The following IFT56 variants were observed in gnomAD, a reference collection of about 807,000 sequenced individuals.
IFT56 encodes the protein intraflagellar transport 56.
chr7:139,139,673 A>C, the IFT56 span, among the ~76,000 whole-genome samples: 1 of 152,246 alleles, frequency 6.6e-6, no homozygotes, highest in African/African-American at 2.4e-5. Context: ...GACAAAAACC[A>C]CAAGTATAAG....
At chr7:139,178,259 T>C in the IFT56 span, 2 of 1,614,110 alleles carry the variant, frequency 1.2e-6, no homozygotes, top group East Asian at 4.5e-5. Context: ...TTCTTCCTGC[T>C]TAAGCAATTT....
chr7:139,165,103 CCATAATAG>C, the IFT56 span: 1 of 1,556,626 alleles, frequency 6.4e-7, no homozygotes, highest in African/African-American at 1.4e-5. Context: ...ATCATTGTTG[CCATAATAG>C]CATGATTTCT....
the IFT56 span, chr7:139,139,868 C>A: frequency 3.3e-6 from 5 of 1,521,596 alleles, no homozygotes; most frequent in Non-Finnish European, 4.5e-6. Flanking sequence ...AAAATGAGAT[C>A]ACTGCTTACT....
At chr7:139,160,893 G>T in the IFT56 span, 1 of 1,286,124 alleles carries the variant, frequency 7.8e-7, no homozygotes, top group Non-Finnish European at 1.1e-6. Context: ...GTCAATATGT[G>T]GTATAAGAAC....
At chr7:139,134,527 C>A in the IFT56 span, 1 of 1,060,780 alleles carries the variant, frequency 9.4e-7, no homozygotes, top group Non-Finnish European at 1.3e-6. Context: ...CTTCGCCTCT[C>A]AAAGTGCTGG....
At chr7:139,178,508 T>G in the IFT56 span, 2 of 1,613,212 alleles carry the variant, frequency 1.2e-6, no homozygotes, top group Non-Finnish European at 1.7e-6. Context: ...CTTGGGATGT[T>G]TTTCAGAGTT....
the IFT56 span, among the ~76,000 whole-genome samples, chr7:139,171,712 C>CT: frequency 6.6e-6 from 1 of 152,314 alleles, no homozygotes; most frequent in Admixed American, 6.5e-5. Context: ...AGACTGAAAT[C>CT]TAAGACCTTA....
chr7:139,146,903 A>C, the IFT56 span: 5 of 1,041,936 alleles, frequency 4.8e-6, no homozygotes, highest in African/African-American at 1.6e-5. Flanking sequence ...AGGGTCAAAT[A>C]GTATTAACTG....
At chr7:139,168,561 T>A in the IFT56 span, 2 of 595,222 alleles carry the variant, frequency 3.4e-6, no homozygotes, top group East Asian at 5.6e-5. Context: ...TGTTATGTTA[T>A]TTAGAGACAA....
chr7:139,188,080 T>A, the IFT56 span, among the ~76,000 whole-genome samples: 4 of 151,470 alleles, frequency 2.6e-5, no homozygotes, highest in South Asian at 4.2e-4. Context: ...TGGTTTATAC[T>A]TTTTCTTTTT....
chr7:139,134,263 T>A, the IFT56 span, among the ~76,000 whole-genome samples: 1 of 146,800 alleles, frequency 6.8e-6, no homozygotes, highest in East Asian at 2.0e-4. Context: ...TGTTAAGGAT[T>A]TGACTTATAA....
chr7:139,167,026 T>C, the IFT56 span: 7 of 540,468 alleles, frequency 1.3e-5, no homozygotes, highest in South Asian at 2.1e-4. Context: ...AAAGACCATA[T>C]GTATTCATTC....
the IFT56 span, among the ~76,000 whole-genome samples, chr7:139,167,211 T>C: frequency 1.3e-5 from 2 of 152,330 alleles, no homozygotes; most frequent in African/African-American, 4.8e-5. Context: ...ACTAGATACA[T>C]GCAATTATCT....
the IFT56 span, among the ~76,000 whole-genome samples, chr7:139,175,990 G>T: frequency 6.6e-6 from 1 of 151,376 alleles, no homozygotes; most frequent in Admixed American, 6.6e-5. Context: ...CACCACGCCC[G>T]GTATTTTTAG....
At chr7:139,136,764 A>G in the IFT56 span, among the ~76,000 whole-genome samples, 1 of 152,106 alleles carries the variant, frequency 6.6e-6, no homozygotes, top group Non-Finnish European at 1.5e-5. Flanking sequence ...ACTGCCTTTA[A>G]GTTGGCAGGG....
chr7:139,150,173 G>T, the IFT56 span, among the ~76,000 whole-genome samples: 1 of 152,008 alleles, frequency 6.6e-6, no homozygotes, highest in Admixed American at 6.6e-5. Flanking sequence ...GCATTCTTGG[G>T]GTAATAGTCA....
At chr7:139,137,854 G>C in the IFT56 span, 1 of 1,612,624 alleles carries the variant, frequency 6.2e-7, no homozygotes, top group Non-Finnish European at 8.5e-7. Flanking sequence ...AAGTTCAAAC[G>C]TCATGTTGGG....
the IFT56 span, among the ~76,000 whole-genome samples, chr7:139,180,928 T>C: frequency 1.3e-5 from 2 of 152,334 alleles, no homozygotes; most frequent in African/African-American, 4.8e-5. Flanking sequence ...GGTAGAATTC[T>C]GGCAGGGAGC....
At chr7:139,151,045 T>A in the IFT56 span, among the ~76,000 whole-genome samples, 1 of 152,242 alleles carries the variant, frequency 6.6e-6, no homozygotes, top group Non-Finnish European at 1.5e-5. Context: ...GGCACAATGC[T>A]TGCACAAAGT....
Sources: gnomAD v4.1 joint callset for allele counts (sites outside exome capture counted in the v4.1 genomes callset) on GRCh38, gnomAD v4.1.1 for gene constraint, MANE v1.5 for transcripts, NCBI Gene and HGNC (gene_info 2026-07-23, HGNC 2026-07-21) for gene names.